PFKFB3: variants seen among roughly 807,000 people sequenced by gnomAD.
PFKFB3 encodes the protein 6-phosphofructo-2-kinase/fructose-2,6-biphosphatase 3.
In PFKFB3, 33 loss-of-function variants were observed where a neutral mutation model predicts 68.0. That is an observed-to-expected ratio of 0.49 (90% CI 0.37 to 0.65). The LOEUF (loss-of-function observed/expected upper bound fraction) is 0.65, where lower values mean the gene tolerates loss of function less well. PFKFB3 is among the 30% of genes least tolerant of loss of function. The probability of loss-of-function intolerance (pLI) is 0.00; values close to 1 mark genes in which losing one functional copy is unlikely to be tolerated. For synonymous variants in PFKFB3, 315 were observed against 288.2 expected, an observed-to-expected ratio of 1.09 and a Z score of -0.94; for missense variants, 586 against 712.2, an observed-to-expected ratio of 0.82 and a Z score of 2.02.
intron 13 of PFKFB3, 102 bp downstream of exon 13, chr10:6,224,315 G>A: frequency 9.0e-7 from 1 of 1,113,146 alleles, no homozygotes; most frequent in Non-Finnish European, 1.3e-6. Context: ...TGCAGGTGCT[G>A]GCCTGTCTGG....
At chr10:6,207,362 G>T (rs1045128208) in intron 1 of PFKFB3, among the ~76,000 whole-genome samples, 5 of 152,244 alleles carry the variant, frequency 3.3e-5, no homozygotes, top group Non-Finnish European at 7.3e-5. Context: ...AGGCAGGGAG[G>T]TTGCAGTGAG....
At chr10:6,262,375 AC>A in the PFKFB3 span, among the ~76,000 whole-genome samples, 324 of 38,566 alleles carry the variant, frequency 8.4e-3, 3 homozygotes, top group African/African-American at 0.02. Flanking sequence ...AATGGCGTGA[AC>A]CCTGGGGGGC....
intron 14 of PFKFB3, among the ~76,000 whole-genome samples, chr10:6,249,199 A>AAAAAAAAAAAAAAAAG (rs1846324662): frequency 6.8e-6 from 1 of 146,908 alleles, no homozygotes; most frequent in African/African-American, 2.5e-5. Flanking sequence ...AAAAAAAAAA[A>AAAAAAAAAAAAAAAAG]AAAAGAAAAG....
the PFKFB3 span, among the ~76,000 whole-genome samples, chr10:6,287,085 TTTTTG>T: frequency 6.6e-6 from 1 of 151,998 alleles, no homozygotes; most frequent in Non-Finnish European, 1.5e-5. Context: ...TAATACTGTT[TTTTTG>T]TTTTGTTTTG....
the PFKFB3 span, among the ~76,000 whole-genome samples, chr10:6,291,945 GTTTTTTTTT>G: frequency 1.1e-5 from 1 of 94,348 alleles, no homozygotes; most frequent in Non-Finnish European, 2.1e-5. Flanking sequence ...GAAACCAGTG[GTTTTTTTTT>G]TTTTTTTTTT....
In PFKFB3 at chr10:6,220,621, G is replaced by A. The variant is rs1844885644; in HGVS notation, c.624-37G>A. 6.3e-7 allele frequency: 1 copy of A among 1,591,136 alleles called. No individual in the cohort carries two copies. ...CCAGGTGCATCCTGCTGTGGGTGGT[G>A]GCCTGAGCTGTGGTTCTCGGTGGGG... On this transcript the variant is annotated intron_variant, in intron 7 of 14. Transcript: ENST00000379775. The surrounding 1 kb of genome is among the most constrained non-coding windows in gnomAD (Gnocchi z 4.1).
At chr10:6,178,358 GTCC>G (rs1842594062) in intron 1 of PFKFB3, among the ~76,000 whole-genome samples, 2 of 143,188 alleles carry the variant, frequency 1.4e-5, no homozygotes, top group Non-Finnish European at 3.0e-5. Context: ...AAAATGCCCT[GTCC>G]TCTTGGGGAG....
At chr10:6,194,963 C>T (rs590278) in intron 1 of PFKFB3, among the ~76,000 whole-genome samples, 67,115 of 151,488 alleles carry the variant, frequency 0.44, 16,948 homozygotes, top group East Asian at 0.7. Context: ...ACCTCCGCCT[C>T]CCAGGTTCGA....
chr10:6,181,576 T>C (rs1842713849), intron 1 of PFKFB3, among the ~76,000 whole-genome samples: 2 of 151,944 alleles, frequency 1.3e-5, no homozygotes. Context: ...TCCCAACACT[T>C]TGGGAGGCTG....
intron 14 of PFKFB3, among the ~76,000 whole-genome samples, chr10:6,241,611 C>T (rs897169571): frequency 1.2e-4 from 19 of 152,094 alleles, no homozygotes; most frequent in African/African-American, 4.3e-4. Context: ...GTGGGAGGAT[C>T]GCTTAAGCCC....
chr10:6,145,041 C>A (rs987706728), intron 1 of PFKFB3: 45 of 1,318,750 alleles, frequency 3.4e-5, no homozygotes, highest in Admixed American at 1.1e-4. Context: ...GCGGCCCACG[C>A]CCCCAGCGCG....
At chr10:6,281,671 C>G in the PFKFB3 span, among the ~76,000 whole-genome samples, 1 of 151,992 alleles carries the variant, frequency 6.6e-6, no homozygotes, top group Non-Finnish European at 1.5e-5. Flanking sequence ...CTTTTCTATG[C>G]TTTTTTTAAA....
chr10:6,253,503 G>A (rs1403172810), intron 14 of PFKFB3, among the ~76,000 whole-genome samples: 1 of 152,150 alleles, frequency 6.6e-6, no homozygotes, highest in Non-Finnish European at 1.5e-5. Flanking sequence ...TCAGGGAAGT[G>A]GTACCCTAAA....
chr10:6,216,684 G>T (rs1198077396), intron 4 of PFKFB3, 22 bp from the exon 5 acceptor site: 2 of 1,523,664 alleles, frequency 1.3e-6, no homozygotes, highest in Non-Finnish European at 1.8e-6. Context: ...TTTTCTTCCT[G>T]GCCCTTTGCT....
At chr10:6,191,331 C>T (rs570476904) in intron 1 of PFKFB3, among the ~76,000 whole-genome samples, 10 of 152,334 alleles carry the variant, frequency 6.6e-5, no homozygotes, top group Middle Eastern at 3.4e-3. Context: ...GCTCAAGACC[C>T]GTTGCGTGCC....
chr10:6,309,167 AC>A, the PFKFB3 span, among the ~76,000 whole-genome samples: 1 of 152,234 alleles, frequency 6.6e-6, no homozygotes, highest in South Asian at 2.1e-4. Flanking sequence ...ACCTAAATCT[AC>A]ACATTTGTGA....
chr10:6,276,102 C>G, the PFKFB3 span, among the ~76,000 whole-genome samples: 1 of 152,030 alleles, frequency 6.6e-6, no homozygotes, highest in South Asian at 2.1e-4. Flanking sequence ...AAAACAGAAC[C>G]AAAACTTCTA....
At chr10:6,171,459 G>A (rs146769126) in intron 1 of PFKFB3, among the ~76,000 whole-genome samples, 2,221 of 150,840 alleles carry the variant, frequency 0.015, 67 homozygotes, top group African/African-American at 0.051. Context: ...GCAGTGGCGC[G>A]ATCTTGGCTC....
chr10:6,155,598 C>A (rs1235115430), intron 1 of PFKFB3, among the ~76,000 whole-genome samples: 1 of 152,068 alleles, frequency 6.6e-6, no homozygotes, highest in Non-Finnish European at 1.5e-5. Context: ...GTCAAGGGCT[C>A]CACTGTAAGG....
Sources: allele counts gnomAD v4.1 joint callset (sites outside exome capture counted in the v4.1 genomes callset), GRCh38; gene constraint gnomAD v4.1.1; non-coding constraint Gnocchi (gnomAD v3.1); transcripts MANE v1.5; gene names NCBI Gene and HGNC (gene_info 2026-07-23, HGNC 2026-07-21).